Variants in PDZD2 observed in about 807,000 individuals in gnomAD.
The protein encoded by PDZD2 is PDZ domain containing 2, also known as PDZ domain-containing protein 2.
PDZD2 carries 90 observed loss-of-function variants against 220.7 expected under a neutral mutation model. The observed-to-expected ratio is 0.41, with a 90% CI of 0.34 to 0.49. PDZD2 has a LOEUF of 0.49. Ranked by LOEUF, PDZD2 falls within the 20% of genes least tolerant of loss-of-function variation. PDZD2 has a pLI of 0.28. For synonymous variants in PDZD2, 1,375 were observed against 1,450.5 expected (o/e 0.95, Z 1.18); for missense variants, 3,174 against 3,608.5 (o/e 0.88, Z 3.08).
At chr5:32,043,373 G>C (rs1455889065) in intron 7 of PDZD2, among the ~76,000 whole-genome samples, 2 of 152,218 alleles carry the variant, frequency 1.3e-5, no homozygotes, top group African/African-American at 4.8e-5. Flanking sequence ...AGCAGAACAG[G>C]GTCGGTTCCC....
At chr5:31,751,482 A>G (rs1196147213) in intron 1 of PDZD2, among the ~76,000 whole-genome samples, 4 of 152,148 alleles carry the variant, frequency 2.6e-5, no homozygotes, top group Non-Finnish European at 5.9e-5. Flanking sequence ...GGTTTTGAGG[A>G]TGGATAAGGT....
intron 1 of PDZD2, among the ~76,000 whole-genome samples, chr5:31,750,730 G>A (rs1272113328): frequency 6.6e-6 from 1 of 152,178 alleles, no homozygotes. Context: ...CAGAGCAAGG[G>A]GCCACTGTTC....
intron 1 of PDZD2, among the ~76,000 whole-genome samples, chr5:31,793,181 C>A (rs1753819843): frequency 1.4e-5 from 2 of 145,630 alleles, no homozygotes; most frequent in Admixed American, 1.5e-4. Flanking sequence ...CAGTTATGCT[C>A]AGAAAACATT....
chr5:31,919,179 C>T (rs928065224), intron 2 of PDZD2, among the ~76,000 whole-genome samples: 1 of 152,088 alleles, frequency 6.6e-6, no homozygotes, highest in Non-Finnish European at 1.5e-5. Context: ...CCACTGTGGC[C>T]GGCACTGAGA....
In PDZD2 at chr5:32,105,061, G is replaced by A. The variant is rs188334534; in HGVS notation, c.8354-2908G>A. On this transcript the variant is annotated intron_variant, in intron 24 of 24. Coordinates refer to ENST00000438447, the MANE Select transcript of PDZD2 (RefSeq NM_178140.4). ...AGGTGGGAGAATCATTTGAGCCCAG[G>A]AGGTCGAGGCTGTGGTGAGCCATGG... Among the ~76,000 whole-genome samples the A allele has an allele frequency of 8.5e-3, 1,296 of 152,180 alleles. 8 individuals carry two copies. The highest frequency in any genetic ancestry group is 0.014 in the Non-Finnish European group (920 of 68,024).
intron 1 of PDZD2, among the ~76,000 whole-genome samples, chr5:31,778,910 T>C (rs1469749868): frequency 6.6e-6 from 1 of 152,180 alleles, no homozygotes. Flanking sequence ...TTAGTGAATA[T>C]CCTTCAAAGA....
intron 2 of PDZD2, among the ~76,000 whole-genome samples, chr5:31,947,855 G>C (rs1048197046): frequency 1.3e-5 from 2 of 151,904 alleles, no homozygotes; most frequent in East Asian, 3.9e-4. Flanking sequence ...GGGACAGTGA[G>C]AGAGAGAAAG....
intron 2 of PDZD2, among the ~76,000 whole-genome samples, chr5:31,876,607 G>A (rs1367261536): frequency 6.6e-6 from 1 of 152,074 alleles, no homozygotes; most frequent in Non-Finnish European, 1.5e-5. Flanking sequence ...TTGGGTTTTT[G>A]TTTCCAGTGA....
At chr5:31,980,630 C>G (rs956128886) in intron 2 of PDZD2, among the ~76,000 whole-genome samples, 1 of 152,152 alleles carries the variant, frequency 6.6e-6, no homozygotes, top group Non-Finnish European at 1.5e-5. Flanking sequence ...AATCTTACAA[C>G]CTGGCTACCT....
At chr5:31,918,116 C>G (rs1267273999) in intron 2 of PDZD2, among the ~76,000 whole-genome samples, 2 of 152,138 alleles carry the variant, frequency 1.3e-5, no homozygotes, top group African/African-American at 4.8e-5. Context: ...GTGCCTCACA[C>G]TTTTAAACAA....
Position 32,089,939 on chromosome 5 carries a change from T to C in PDZD2, c.6491T>C (p.Met2164Thr). Residue 2164 changes from methionine to threonine, a missense_variant, in exon 20 of 25, where the codon ATG becomes ACG. By Grantham distance (81) the Met-to-Thr change is moderately conservative. This residue lies in a region of PDZD2 where 1,861 missense variants were observed against 2,001.0 expected (regional missense o/e 0.93). Coordinates refer to ENST00000438447, the MANE Select transcript of PDZD2 (RefSeq NM_178140.4). The part of the protein sequence containing the change: ...AEQEMSRSFS[M>T]AKLASSSSSL... ...CAGGAAATGTCACGATCATTCAGCA[T>C]GGCAAAACTGGCGTCCTCCTCCTCC... The C allele has an allele frequency of 6.2e-7, 1 of 1,609,194 alleles. No individual in the cohort carries two copies. The highest frequency in any genetic ancestry group is 8.5e-7 in the Non-Finnish European group (1 of 1,177,598).
At position 31,929,217 on chromosome 5, in the gene PDZD2, G is replaced by A. The variant is rs114423035; in HGVS notation, c.477-53938G>A. Among the ~76,000 whole-genome samples, 892 of 152,292 alleles carry A rather than the reference G, an allele frequency of 5.9e-3. 12 individuals carry two copies. Among genetic ancestry groups the A allele is most frequent in the African/African-American group, 0.021 (853 of 41,568 alleles). On this transcript the variant is annotated intron_variant, in intron 2 of 24. Coordinates refer to ENST00000438447, the MANE Select transcript of PDZD2 (RefSeq NM_178140.4). ...GTCTGCTGTTGATTTTGTCCAACCT[G>A]CTTCTCTGATTCATTTAATTTTCTG...
intron 23 of PDZD2, chr5:32,099,709 T>A (rs1744072515): frequency 6.6e-6 from 1 of 152,202 alleles, no homozygotes; most frequent in Non-Finnish European, 1.5e-5. Flanking sequence ...CAGCTGCCAG[T>A]TTTTAAGCCT....
intron 19 of PDZD2, among the ~76,000 whole-genome samples, chr5:32,081,381 T>C (rs1741937478): frequency 6.6e-6 from 1 of 152,226 alleles, no homozygotes; most frequent in Non-Finnish European, 1.5e-5. Flanking sequence ...GGCAATGATA[T>C]ATGTGCTATA....
intron 2 of PDZD2, among the ~76,000 whole-genome samples, chr5:31,879,893 T>C (rs1332699738): frequency 2.0e-5 from 3 of 151,650 alleles, no homozygotes; most frequent in Non-Finnish European, 2.9e-5. Context: ...TGCTTACAGT[T>C]TTCTTAGCAA....
intron 2 of PDZD2, among the ~76,000 whole-genome samples, chr5:31,812,449 G>C (rs1384024237): frequency 6.6e-6 from 1 of 152,072 alleles, no homozygotes; most frequent in Non-Finnish European, 1.5e-5. Flanking sequence ...CTCACTGGTT[G>C]ATATACAACC....
chr5:31,684,697 G>A (rs946853321), intron 1 of PDZD2, among the ~76,000 whole-genome samples: 4 of 151,978 alleles, frequency 2.6e-5, no homozygotes, highest in African/African-American at 4.8e-5. Flanking sequence ...TCTAGCCCCT[G>A]CCTATCTTCC....
Position 31,789,360 on chromosome 5 carries a change from G to A in PDZD2, c.-360-9529G>A, listed in dbSNP as rs373173957. ...GCTCCTCGAACATAGGTGGGTTTCT[G>A]TTAGTAAGGAAAAAGCGAGCAGGAT... is the stretch of plus-strand genomic sequence containing the variant. On this transcript the variant is annotated intron_variant, in intron 1 of 24. Transcript: ENST00000438447. Among the ~76,000 whole-genome samples, 170 of 152,338 alleles carry A rather than the reference G, an allele frequency of 1.1e-3. 3 individuals carry two copies. In the South Asian group the frequency reaches 0.034, roughly 30 times the overall value.
At position 32,109,043 on chromosome 5, in the gene PDZD2, C is replaced by A. The variant is rs202035235; in HGVS notation, c.*908C>A. 1 of 29,080 alleles carries A rather than the reference C, an allele frequency of 3.4e-5. No homozygotes were observed. Among genetic ancestry groups the A allele is most frequent in the South Asian group, 1.0e-3 (1 of 992 alleles). The allele number at this position is 29,080 out of a possible 1,614,324, so 1.8% of individuals were successfully genotyped here. A position where few individuals can be genotyped will look rare whatever the true frequency, so the allele number is the denominator to read the frequency against. ...AAGAGCAGACAAAAATATCACAAGTCAGTCAGTCACTGGGTTTCCATTTCT... is the reference window on the plus strand; with the variant it reads ...AAGAGCAGACAAAAATATCACAAGTAAGTCAGTCACTGGGTTTCCATTTCT... On this transcript the variant is annotated 3_prime_UTR_variant, in exon 25 of 25. Transcript: ENST00000438447.
Sources: allele counts gnomAD v4.1 joint callset (sites outside exome capture counted in the v4.1 genomes callset), GRCh38; gene constraint gnomAD v4.1.1; regional missense constraint gnomAD v4.1.1; transcripts MANE v1.5; gene names NCBI Gene and HGNC (gene_info 2026-07-23, HGNC 2026-07-21).